The following ATP9B variants were observed in gnomAD, a reference collection of about 807,000 sequenced individuals.
The protein encoded by ATP9B is ATPase phospholipid transporting 9B, also known as probable phospholipid-transporting ATPase IIB.
Under a neutral mutation model 146.1 loss-of-function variants are expected in ATP9B, and 110 were observed. The observed-to-expected ratio is 0.75, with a 90% CI of 0.65 to 0.88. The LOEUF (loss-of-function observed/expected upper bound fraction) is 0.88, where lower values mean the gene tolerates loss of function less well. Ranked by LOEUF, ATP9B falls within the 40% of genes least tolerant of loss-of-function variation. The probability of loss-of-function intolerance (pLI) is 0.00; values close to 1 mark genes in which losing one functional copy is unlikely to be tolerated. For synonymous variants in ATP9B, 604 were observed against 569.7 expected (o/e 1.06, Z -0.86); for missense variants, 1,499 against 1,496.4 (o/e 1.00, Z -0.03).
intron 19 of ATP9B, among the ~76,000 whole-genome samples, chr18:79,339,608 T>G (rs2096847321): frequency 6.6e-6 from 1 of 151,216 alleles, no homozygotes; most frequent in Admixed American, 6.6e-5. Flanking sequence ...AGGAGGTGTG[T>G]CATGATCGCA....
chr18:79,126,196 C>A, intron 4 of ATP9B, 71 bp from the exon 5 acceptor site: 1 of 1,303,178 alleles, frequency 7.7e-7, no homozygotes, highest in African/African-American at 1.5e-5. Context: ...AAAAGTTAAA[C>A]CAAGTAACAA....
chr18:79,284,611 AT>A (rs980934527), intron 13 of ATP9B, among the ~76,000 whole-genome samples: 2 of 151,656 alleles, frequency 1.3e-5, no homozygotes, highest in African/African-American at 2.4e-5. Context: ...TTTCCATTTC[AT>A]TTTTTTTAAT....
Position 79,329,134 on chromosome 18 carries a change from C to T in ATP9B, c.1774-7C>T. On this transcript the variant is annotated splice_polypyrimidine_tract_variant and splice_region_variant and intron_variant, in intron 15 of 29. Coordinates refer to ENST00000426216, the MANE Select transcript of ATP9B (RefSeq NM_198531.5). ...CGGTGGCCTCAGTTGTTGCTGGTCTCCCGTAGGTCGCTCTGGTGCAGTGGA... is the reference window on the plus strand; with the variant it reads ...CGGTGGCCTCAGTTGTTGCTGGTCTTCCGTAGGTCGCTCTGGTGCAGTGGA... The T allele has an allele frequency of 6.3e-7, 1 of 1,579,480 alleles. No individual in the cohort carries two copies. Among genetic ancestry groups the T allele is most frequent in the Non-Finnish European group, 8.6e-7 (1 of 1,162,750 alleles).
chr18:79,192,784 A>G (rs1281529149), intron 8 of ATP9B, among the ~76,000 whole-genome samples: 1 of 152,174 alleles, frequency 6.6e-6, no homozygotes, highest in East Asian at 1.9e-4. Context: ...CAGATCTAGG[A>G]ATTTATTAAA....
At chr18:79,236,268 G>A (rs937520939) in intron 11 of ATP9B, among the ~76,000 whole-genome samples, 3 of 151,992 alleles carry the variant, frequency 2.0e-5, no homozygotes, top group East Asian at 3.9e-4. Flanking sequence ...TGTGTTTATC[G>A]GCATGGGTGT....
intron 7 of ATP9B, among the ~76,000 whole-genome samples, chr18:79,171,877 C>CA (rs1600145791): frequency 1.9e-5 from 2 of 104,870 alleles, no homozygotes; most frequent in South Asian, 5.9e-4. Flanking sequence ...TTCGGAGACT[C>CA]GTTTTTTTTT....
At position 79,298,380 on chromosome 18, in the gene ATP9B, G is replaced by A. The variant is rs749492042; in HGVS notation, c.1412-5224G>A. On this transcript the variant is annotated intron_variant, in intron 13 of 29. Coordinates refer to ENST00000426216, the MANE Select transcript of ATP9B (RefSeq NM_198531.5). ...GTTTATAATTCCTTGAAAAAAGCGC[G>A]GTACTTAGCCGTGAATCTAATATAA... Among the ~76,000 whole-genome samples the A allele has an allele frequency of 6.2e-5, 9 of 145,862 alleles. 1 individual carries two copies. The highest frequency in any genetic ancestry group is 1.4e-4 in the Non-Finnish European group (9 of 65,962).
intron 26 of ATP9B, among the ~76,000 whole-genome samples, chr18:79,372,209 C>T (rs1339297394): frequency 6.8e-6 from 1 of 148,062 alleles, no homozygotes; most frequent in Admixed American, 6.7e-5. Flanking sequence ...CCCCTGCCTC[C>T]TGCCCCCTCG....
At chr18:79,135,038 C>A (rs2094432065) in intron 5 of ATP9B, among the ~76,000 whole-genome samples, 1 of 152,146 alleles carries the variant, frequency 6.6e-6, no homozygotes, top group African/African-American at 2.4e-5. Flanking sequence ...TTTTCCCCCA[C>A]AAATGCTCAG....
At chr18:79,167,133 GCT>G (rs2147821292) in intron 7 of ATP9B, among the ~76,000 whole-genome samples, 1 of 152,274 alleles carries the variant, frequency 6.6e-6, no homozygotes, top group South Asian at 2.1e-4. Flanking sequence ...TTAAGTCTGG[GCT>G]CTCTGAAGAG....
chr18:79,119,681 T>G (rs2094154653), intron 4 of ATP9B, among the ~76,000 whole-genome samples: 1 of 152,232 alleles, frequency 6.6e-6, no homozygotes, highest in Non-Finnish European at 1.5e-5. Flanking sequence ...AGTATCATAT[T>G]GTTCGATCTG....
intron 9 of ATP9B, among the ~76,000 whole-genome samples, chr18:79,202,498 T>C (rs972782468): frequency 1.5e-4 from 23 of 152,224 alleles, no homozygotes; most frequent in Non-Finnish European, 3.1e-4. Flanking sequence ...CTCTGCTGTT[T>C]GTTAAGTAGG....
At chr18:79,162,365 C>T (rs2147760011) in intron 7 of ATP9B, among the ~76,000 whole-genome samples, 1 of 152,274 alleles carries the variant, frequency 6.6e-6, no homozygotes, top group Admixed American at 6.5e-5. Context: ...GCTTAAATTC[C>T]AATTAATCAA....
chr18:79,159,986 T>C (rs768057194), intron 7 of ATP9B, among the ~76,000 whole-genome samples: 17 of 152,222 alleles, frequency 1.1e-4, no homozygotes, highest in Non-Finnish European at 2.5e-4. Flanking sequence ...TGCCTGTTGA[T>C]TGGAGCCTTT....
At chr18:79,295,065 C>T (rs2096537532) in intron 13 of ATP9B, among the ~76,000 whole-genome samples, 2 of 151,628 alleles carry the variant, frequency 1.3e-5, no homozygotes, top group Admixed American at 6.6e-5. Context: ...GCTATAGGTA[C>T]GTGTGCGTGC....
chr18:79,133,749 A>G (rs1470511721), intron 5 of ATP9B, among the ~76,000 whole-genome samples: 1 of 152,172 alleles, frequency 6.6e-6, no homozygotes, highest in Non-Finnish European at 1.5e-5. Flanking sequence ...TGTGTGTGCT[A>G]CCTCTAGGTC....
intron 25 of ATP9B, among the ~76,000 whole-genome samples, chr18:79,349,950 T>A (rs2096913648): frequency 6.9e-6 from 1 of 144,910 alleles, no homozygotes; most frequent in South Asian, 2.3e-4. Context: ...GTATTACCAG[T>A]TAGCGTCCTA....
rs115784028 is a variant in ATP9B at position 79,365,798 on chromosome 18, G to A, written c.3012+6336G>A. Among the ~76,000 whole-genome samples, 451 of 152,150 alleles carry A rather than the reference G, an allele frequency of 3.0e-3. 1 individual carries two copies. The highest frequency in any genetic ancestry group is 9.9e-3 in the African/African-American group (412 of 41,506). ...CCATGCGTGGATGGAGGACAACTCC[G>A]TGGACGGGGACAGCCCGTGTGTGAT... is the stretch of plus-strand genomic sequence containing the variant. On this transcript the variant is annotated intron_variant, in intron 26 of 29. Coordinates refer to ENST00000426216, the MANE Select transcript of ATP9B (RefSeq NM_198531.5).
At chr18:79,072,873 C>A (rs556135995) in intron 1 of ATP9B, among the ~76,000 whole-genome samples, 86 of 151,174 alleles carry the variant, frequency 5.7e-4, no homozygotes, top group Middle Eastern at 3.4e-3. Flanking sequence ...AGTTCCCAGA[C>A]AGGGTGGCGG....
Sources: gnomAD v4.1 joint callset for allele counts (sites outside exome capture counted in the v4.1 genomes callset) on GRCh38, gnomAD v4.1.1 for gene constraint, MANE v1.5 for transcripts, NCBI Gene and HGNC (gene_info 2026-07-23, HGNC 2026-07-21) for gene names.